The following MEIS2 variants were observed in gnomAD, a reference collection of about 807,000 sequenced individuals.
MEIS2 encodes the protein Meis homeobox 2.
In MEIS2, 9 loss-of-function variants were observed where a neutral mutation model predicts 58.6. The observed-to-expected ratio is 0.15, with a 90% CI of 0.09 to 0.27. MEIS2 has a LOEUF of 0.27. MEIS2 is among the 10% of genes least tolerant of loss of function. The pLI is 1.00. For missense variants in MEIS2, 427 were observed against 635.0 expected (o/e 0.67, Z 3.52); for synonymous variants, 221 against 228.4 (o/e 0.97, Z 0.29).
intron 8 of MEIS2, among the ~76,000 whole-genome samples, chr15:36,953,087 T>A (rs1042140809): frequency 6.6e-6 from 1 of 152,146 alleles, no homozygotes; most frequent in Admixed American, 6.5e-5. Flanking sequence ...ACTGTTTACC[T>A]CAAAGTGCTC....
At position 36,900,669 on chromosome 15, in the gene MEIS2, A is replaced by G. The variant is rs189356985; in HGVS notation, c.978-3983T>C. Among the ~76,000 whole-genome samples, 525 of 152,354 alleles carry G rather than the reference A, an allele frequency of 3.4e-3. 4 individuals carry two copies. Among genetic ancestry groups the G allele is most frequent in the African/African-American group, 0.012 (488 of 41,578 alleles). On this transcript the variant is annotated intron_variant, in intron 9 of 11. Coordinates refer to ENST00000561208, the MANE Select transcript of MEIS2 (RefSeq NM_170675.5). ...TAATCTCATCTTACTGCCTTGCTGA[A>G]GAGCTATTTCCCAGAGACCTCTCCT... is the stretch of plus-strand genomic sequence containing the variant.
chr15:36,943,396 C>T (rs920154872), intron 9 of MEIS2, among the ~76,000 whole-genome samples: 2 of 152,018 alleles, frequency 1.3e-5, no homozygotes, highest in African/African-American at 4.8e-5. Context: ...TTTATTGTCT[C>T]CATCAATGAA....
intron 8 of MEIS2, among the ~76,000 whole-genome samples, chr15:37,027,313 A>G (rs1481600993): frequency 6.6e-6 from 1 of 152,210 alleles, no homozygotes; most frequent in Non-Finnish European, 1.5e-5. Flanking sequence ...CTTGAATGTT[A>G]GGGTCACTTT....
intron 8 of MEIS2, among the ~76,000 whole-genome samples, chr15:36,970,068 G>T (rs1357242033): frequency 6.6e-6 from 1 of 152,076 alleles, no homozygotes; most frequent in Non-Finnish European, 1.5e-5. Flanking sequence ...AAGATTGAAT[G>T]CCTGGTTAAA....
At chr15:36,970,353 G>A (rs1162123785) in intron 8 of MEIS2, among the ~76,000 whole-genome samples, 3 of 150,928 alleles carry the variant, frequency 2.0e-5, no homozygotes, top group East Asian at 2.0e-4. Context: ...GCAGTGAGCC[G>A]AGATCGCGCC....
At chr15:37,020,986 T>C (rs2061507260) in intron 8 of MEIS2, among the ~76,000 whole-genome samples, 1 of 152,146 alleles carries the variant, frequency 6.6e-6, no homozygotes, top group South Asian at 2.1e-4. Context: ...GGAAATGTTA[T>C]GCAGGGACAG....
intron 7 of MEIS2, among the ~76,000 whole-genome samples, chr15:37,056,251 C>T (rs918391858): frequency 1.3e-4 from 20 of 152,004 alleles, no homozygotes; most frequent in African/African-American, 4.8e-4. Flanking sequence ...TACAGTAGCC[C>T]AAAATATCAT....
chr15:36,971,536 T>TA (rs1567126001), intron 8 of MEIS2, among the ~76,000 whole-genome samples: 7,312 of 65,354 alleles, frequency 0.11, 1,403 homozygotes, highest in Non-Finnish European at 0.14. Flanking sequence ...CCTTGTTACA[T>TA]TAAAAAAAAA....
intron 8 of MEIS2, 57 bp downstream of exon 8, chr15:37,036,757 T>G: frequency 6.3e-7 from 1 of 1,577,642 alleles, no homozygotes; most frequent in East Asian, 2.2e-5. Context: ...TGAGACCGTA[T>G]AACTTGCTAG....
chr15:36,960,850 A>G (rs2059155767), intron 8 of MEIS2, among the ~76,000 whole-genome samples: 1 of 152,174 alleles, frequency 6.6e-6, no homozygotes, highest in Non-Finnish European at 1.5e-5. Context: ...AAAACAAGAT[A>G]TCACCCAAGT....
At chr15:37,097,846 G>T (rs1894478951) in intron 2 of MEIS2, 121 bp downstream of exon 2, 1 of 1,385,152 alleles carries the variant, frequency 7.2e-7, no homozygotes, top group Non-Finnish European at 9.5e-7. Flanking sequence ...GGCAAGCGGC[G>T]CCCGCCCCCC....
chr15:36,947,596 T>A (rs2058613987), intron 9 of MEIS2, among the ~76,000 whole-genome samples: 1 of 151,948 alleles, frequency 6.6e-6, no homozygotes, highest in Non-Finnish European at 1.5e-5. Flanking sequence ...TCCATGATTG[T>A]CTGATTTTTA....
chr15:37,011,903 G>C (rs12438589), intron 8 of MEIS2, among the ~76,000 whole-genome samples: 125,682 of 151,980 alleles, frequency 0.83, 52,988 homozygotes, highest in Middle Eastern at 0.92. Context: ...CAGGTGTGAG[G>C]CACTGCGCCC....
intron 7 of MEIS2, among the ~76,000 whole-genome samples, chr15:37,046,779 A>T (rs2062690590): frequency 6.6e-6 from 1 of 152,112 alleles, no homozygotes; most frequent in Non-Finnish European, 1.5e-5. Flanking sequence ...GAAGAGAATG[A>T]AAGCTTCCAA....
chr15:37,011,340 A>G (rs1295492392), intron 8 of MEIS2, among the ~76,000 whole-genome samples: 1 of 152,238 alleles, frequency 6.6e-6, no homozygotes, highest in Non-Finnish European at 1.5e-5. Flanking sequence ...TTGCTTGGAT[A>G]TAAGTCCAAG....
intron 8 of MEIS2, among the ~76,000 whole-genome samples, chr15:37,010,090 T>G (rs2061079997): frequency 6.6e-6 from 1 of 152,116 alleles, no homozygotes; most frequent in African/African-American, 2.4e-5. Context: ...TTTTTTGTTT[T>G]GTTTTGTTTT....
intron 8 of MEIS2, among the ~76,000 whole-genome samples, chr15:36,971,873 A>C (rs2059583907): frequency 6.6e-6 from 1 of 152,200 alleles, no homozygotes; most frequent in Non-Finnish European, 1.5e-5. Context: ...CTCCCAACTT[A>C]GTTTCTATTG....
At chr15:37,038,991 C>T (rs1221278724) in intron 7 of MEIS2, among the ~76,000 whole-genome samples, 1 of 152,186 alleles carries the variant, frequency 6.6e-6, no homozygotes, top group African/African-American at 2.4e-5. Context: ...CTCCAAAATA[C>T]AGACACTGGA....
Position 36,892,406 on chromosome 15 carries a change from T to G in MEIS2, c.1201A>C (p.Ser401Arg). The change falls in exon 12 of 12, where the codon AGT (serine) becomes CGT (arginine). Residue 401 changes from serine to arginine, a missense_variant. Coordinates refer to ENST00000561208, the MANE Select transcript of MEIS2 (RefSeq NM_170675.5). ...YVSQGGPMGM[S>R]MAQPSYTPPQ... ...GGAGTGTAACTTGGCTGTGCCATACTCATTCCCATAGGACCACCCTGAGAA... is the reference window on the plus strand; with the variant it reads ...GGAGTGTAACTTGGCTGTGCCATACGCATTCCCATAGGACCACCCTGAGAA... 1 of 1,613,988 alleles carries G rather than the reference T, an allele frequency of 6.2e-7. No homozygotes were observed. Among genetic ancestry groups the G allele is most frequent in the Non-Finnish European group, 8.5e-7 (1 of 1,179,970 alleles).
Sources: allele counts gnomAD v4.1 joint callset (sites outside exome capture counted in the v4.1 genomes callset), GRCh38; gene constraint gnomAD v4.1.1; transcripts MANE v1.5; gene names NCBI Gene and HGNC (gene_info 2026-07-23, HGNC 2026-07-21).